The following TNFRSF21 variants were observed in gnomAD, a reference collection of about 807,000 sequenced individuals.
The protein encoded by TNFRSF21 is tumor necrosis factor receptor superfamily member 21.
TNFRSF21 carries 19 observed loss-of-function variants against 45.6 expected under a neutral mutation model. That is an observed-to-expected ratio of 0.42 (90% confidence interval 0.29 to 0.61). The LOEUF (loss-of-function observed/expected upper bound fraction) is 0.61, where lower values mean the gene tolerates loss of function less well. Among genes scored for constraint, TNFRSF21 ranks in the 20% least tolerant of loss-of-function variants. The pLI is 0.23. For missense variants in TNFRSF21, 737 were observed against 851.5 expected (o/e 0.87, Z 1.67); for synonymous variants, 314 against 335.5 (o/e 0.94, Z 0.70).
chr6:47,243,323 C>G (rs1243096611), intron 4 of TNFRSF21, among the ~76,000 whole-genome samples: 1 of 152,036 alleles, frequency 6.6e-6, no homozygotes, highest in Non-Finnish European at 1.5e-5. Context: ...TGTTCTCCAC[C>G]CCCCTTATTT....
chr6:47,261,591 A>G (rs187700350), intron 3 of TNFRSF21, among the ~76,000 whole-genome samples: 217 of 152,326 alleles, frequency 1.4e-3, no homozygotes, highest in African/African-American at 4.9e-3. Context: ...ATGGTGTCCT[A>G]TGCTCACCAC....
intron 3 of TNFRSF21, among the ~76,000 whole-genome samples, chr6:47,264,556 G>T (rs746716921): frequency 1.3e-5 from 2 of 152,104 alleles, no homozygotes; most frequent in Non-Finnish European, 2.9e-5. Context: ...CACCCTAAAG[G>T]CTAGAGAACA....
At chr6:47,271,900 A>C (rs1762425554) in intron 3 of TNFRSF21, among the ~76,000 whole-genome samples, 1 of 152,202 alleles carries the variant, frequency 6.6e-6, no homozygotes, top group African/African-American at 2.4e-5. Flanking sequence ...AAACCAACAA[A>C]GATCAAAAGA....
At chr6:47,251,026 T>C (rs1303808073) in intron 4 of TNFRSF21, among the ~76,000 whole-genome samples, 7 of 152,240 alleles carry the variant, frequency 4.6e-5, no homozygotes, top group African/African-American at 1.4e-4. Flanking sequence ...CATGTTTAGA[T>C]TTGGGACCTA....
chr6:47,235,430 G>C (rs1409364167), intron 4 of TNFRSF21, among the ~76,000 whole-genome samples: 2 of 152,194 alleles, frequency 1.3e-5, no homozygotes, highest in Non-Finnish European at 2.9e-5. Context: ...CGCACACAGA[G>C]GGAAGACACA....
At chr6:47,309,301 A>C in intron 1 of TNFRSF21, 115 bp downstream of exon 1, 5 of 1,390,546 alleles carry the variant, frequency 3.6e-6, no homozygotes, top group Non-Finnish European at 4.7e-6. Flanking sequence ...CCCGTAACCC[A>C]GTCGGCCGGG....
At chr6:47,264,297 G>A (rs1762296814) in intron 3 of TNFRSF21, among the ~76,000 whole-genome samples, 2 of 152,314 alleles carry the variant, frequency 1.3e-5, no homozygotes, top group Middle Eastern at 3.4e-3. Context: ...GGAGGCCAAG[G>A]CAGGCGGATC....
At chr6:47,250,200 T>C (rs1420673174) in intron 4 of TNFRSF21, among the ~76,000 whole-genome samples, 1 of 152,124 alleles carries the variant, frequency 6.6e-6, no homozygotes, top group Non-Finnish European at 1.5e-5. Flanking sequence ...AGTAAAAGGA[T>C]GGGAAAAGAG....
At chr6:47,262,230 C>T (rs1055345527) in intron 3 of TNFRSF21, among the ~76,000 whole-genome samples, 3 of 152,166 alleles carry the variant, frequency 2.0e-5, no homozygotes, top group African/African-American at 7.2e-5. Context: ...AAACAGTAGA[C>T]AATTTTCCAA....
chr6:47,253,277 C>G lies in TNFRSF21; in HGVS notation c.1488G>C (p.Gly496=). The change falls in exon 4 of 6, where the codon GGG becomes GGC. Residue 496 remains glycine (G), a synonymous_variant. Coordinates refer to ENST00000296861, the MANE Select transcript of TNFRSF21 (RefSeq NM_014452.5). Reference sequence around the variant, plus strand: ...TTACCTGGGTGGTGTCTTCCATCAGCCCACGAATCTTCTCCACAACATCGT... The same window carrying G: ...TTACCTGGGTGGTGTCTTCCATCAGGCCACGAATCTTCTCCACAACATCGT... ...RRNDVVEKIR[G]LMEDTTQLET... is the part of the protein sequence containing the mutation. 1 of 1,613,332 alleles carries G rather than the reference C, an allele frequency of 6.2e-7. No homozygotes were observed. Among genetic ancestry groups the G allele is most frequent in the Non-Finnish European group, 8.5e-7 (1 of 1,179,614 alleles).
chr6:47,252,136 C>T (rs997381120), intron 4 of TNFRSF21, among the ~76,000 whole-genome samples: 5 of 152,234 alleles, frequency 3.3e-5, no homozygotes, highest in South Asian at 2.1e-4. Flanking sequence ...TTCTTAAGTA[C>T]ATAAAGTATA....
rs41305916 is a variant in TNFRSF21 at position 47,286,488 on chromosome 6, G to T, written c.204C>A (p.Asp68Glu). ...AGACATAGGTTCCTGCTGGACACTT[G>T]TCACAGGTTAGCACCTGGCCGGTGG... ...DRATGQVLTC[D>E]KCPAGTYVSE... Residue 68 changes from aspartate (D) to glutamate (E), a missense_variant, in exon 2 of 6, where the codon GAC becomes GAA. Physicochemically the swap from Asp to Glu is conservative, Grantham distance 45 (BLOSUM62 2). Coordinates refer to ENST00000296861, the MANE Select transcript of TNFRSF21 (RefSeq NM_014452.5). 2 of 1,614,208 alleles carry T rather than the reference G, an allele frequency of 1.2e-6. No individual in the cohort carries two copies. Among genetic ancestry groups the T allele is most frequent in the Middle Eastern group, 1.6e-4 (1 of 6,062 alleles).
Position 47,276,565 on chromosome 6 carries a change from C to A in TNFRSF21, c.1243+7373G>T, listed in dbSNP as rs1464748936. ...CCAGATGCTGGTAGGCGACAACCTG[C>A]AGGACAAACCACCTGTTCTTGCAAA... On this transcript the variant is annotated intron_variant, in intron 3 of 5. Coordinates refer to ENST00000296861, the MANE Select transcript of TNFRSF21 (RefSeq NM_014452.5). 4.6e-5 allele frequency among the ~76,000 whole-genome samples: 7 copies of A among 152,218 alleles called. No homozygotes were observed. In the South Asian group the frequency reaches 1.0e-3, roughly 23 times the overall value.
intron 4 of TNFRSF21, among the ~76,000 whole-genome samples, chr6:47,241,620 C>T (rs984926052): frequency 1.3e-5 from 2 of 152,082 alleles, no homozygotes; most frequent in Non-Finnish European, 2.9e-5. Flanking sequence ...CGTATACATA[C>T]ATAGATAAAG....
chr6:47,282,385 A>G (rs896547697), intron 3 of TNFRSF21, among the ~76,000 whole-genome samples: 3 of 130,110 alleles, frequency 2.3e-5, no homozygotes, highest in African/African-American at 3.3e-5. Context: ...ATTCTGTCTC[A>G]AAAAAAAAAT....
chr6:47,272,329 T>C (rs1037566298), intron 3 of TNFRSF21, among the ~76,000 whole-genome samples: 5 of 152,146 alleles, frequency 3.3e-5, no homozygotes, highest in African/African-American at 9.7e-5. Context: ...CAGACCACAG[T>C]GCAATTAAAT....
Position 47,232,664 on chromosome 6 carries a change from C to T in TNFRSF21, c.*101G>A, listed in dbSNP as rs1764605194. The stretch of plus-strand genomic sequence containing the variant: ...ACACACACACACACACACACAAACA[C>T]ACACACACACCCCAAACAACAAAAA... On this transcript the variant is annotated 3_prime_UTR_variant, in exon 6 of 6. Coordinates refer to ENST00000296861, the MANE Select transcript of TNFRSF21 (RefSeq NM_014452.5). 4.9e-6 allele frequency: 5 copies of T among 1,018,562 alleles called. No homozygotes were observed. The highest frequency in any genetic ancestry group is 4.8e-5 in the East Asian group (2 of 41,888). The allele number at this position is 1,018,562 out of a possible 1,614,324, so 63.1% of individuals were successfully genotyped here.
intron 4 of TNFRSF21, among the ~76,000 whole-genome samples, chr6:47,242,789 T>C (rs1764765425): frequency 6.6e-6 from 1 of 152,224 alleles, no homozygotes; most frequent in Non-Finnish European, 1.5e-5. Flanking sequence ...GGTTCAGAGC[T>C]GGAGCCCACT....
Position 47,309,532 on chromosome 6 carries a change from G to C in TNFRSF21, c.-21C>G, listed in dbSNP as rs1164669112. On this transcript the variant is annotated 5_prime_UTR_variant, in exon 1 of 6. Coordinates refer to ENST00000296861, the MANE Select transcript of TNFRSF21 (RefSeq NM_014452.5). ...CCCATGGCTGAACCGGGGACTCGCAGGGGCGCCCGGGGCGCGCGGGGCAGC... is the reference window on the plus strand; with the variant it reads ...CCCATGGCTGAACCGGGGACTCGCACGGGCGCCCGGGGCGCGCGGGGCAGC... The C allele has an allele frequency of 7.1e-7, 1 of 1,406,472 alleles. No individual in the cohort carries two copies. 87.1% of individuals were successfully genotyped at this position (1,406,472 alleles called of 1,614,324 possible).
Sources: allele counts gnomAD v4.1 joint callset (sites outside exome capture counted in the v4.1 genomes callset), GRCh38; gene constraint gnomAD v4.1.1; transcripts MANE v1.5; gene names NCBI Gene and HGNC (gene_info 2026-07-23, HGNC 2026-07-21).